The following MSRA variants were observed in gnomAD, a reference collection of about 807,000 sequenced individuals.
MSRA encodes mitochondrial peptide methionine sulfoxide reductase.
Under a neutral mutation model 31.3 loss-of-function variants are expected in MSRA, and 54 were observed. The observed-to-expected ratio is 1.73, with a 90% CI of 1.39 to 2.17. MSRA has a LOEUF of 2.17. MSRA is among the 30% of genes most tolerant of loss of function. The probability of loss-of-function intolerance (pLI) is 0.00; values close to 1 mark genes in which losing one functional copy is unlikely to be tolerated. For synonymous variants in MSRA, 169 were observed against 116.5 expected (o/e 1.45, Z -2.90); for missense variants, 507 against 300.9 (o/e 1.69, Z -5.07).
At chr8:10,390,902 G>A in intron 5 of MSRA, among the ~76,000 whole-genome samples, 1 of 151,964 alleles carries the variant, frequency 6.6e-6, no homozygotes, top group East Asian at 1.9e-4. Flanking sequence ...CGTGAACCCG[G>A]GAGGTGGAGT....
chr8:10,167,692 T>G (rs17151235), intron 1 of MSRA, among the ~76,000 whole-genome samples: 2 of 152,120 alleles, frequency 1.3e-5, no homozygotes, highest in Non-Finnish European at 2.9e-5. Flanking sequence ...TGCTGTGTCT[T>G]AGGTTCATCT....
intron 2 of MSRA, among the ~76,000 whole-genome samples, chr8:10,229,566 C>A (rs773840619): frequency 6.7e-6 from 1 of 149,054 alleles, no homozygotes; most frequent in Non-Finnish European, 1.5e-5. Flanking sequence ...GGTGTGCCTG[C>A]GCATGTGGGG....
intron 5 of MSRA, among the ~76,000 whole-genome samples, chr8:10,361,829 T>C (rs190516565): frequency 6.6e-6 from 1 of 152,354 alleles, no homozygotes; most frequent in Non-Finnish European, 1.5e-5. Flanking sequence ...CTTATTTGTT[T>C]TAAAATTTCA....
intron 5 of MSRA, among the ~76,000 whole-genome samples, chr8:10,324,010 G>A (rs1802215803): frequency 6.6e-6 from 1 of 152,184 alleles, no homozygotes; most frequent in Admixed American, 6.5e-5. Flanking sequence ...TGGGAGATGA[G>A]TTGAAAGTTC....
chr8:10,387,642 A>G (rs1806475935), intron 5 of MSRA, among the ~76,000 whole-genome samples: 1 of 152,150 alleles, frequency 6.6e-6, no homozygotes, highest in Non-Finnish European at 1.5e-5. Context: ...GCAGACAAAG[A>G]TTGTCTCATC....
intron 3 of MSRA, among the ~76,000 whole-genome samples, chr8:10,259,964 G>A (rs1055290076): frequency 6.6e-6 from 1 of 152,254 alleles, no homozygotes; most frequent in African/African-American, 2.4e-5. Flanking sequence ...CAGGCCCTCT[G>A]AGGACCTCAA....
chr8:10,178,084 C>T (rs1403233201), intron 1 of MSRA, among the ~76,000 whole-genome samples: 6 of 152,112 alleles, frequency 3.9e-5, no homozygotes, highest in Admixed American at 6.6e-5. Context: ...ACATCTATTC[C>T]TGAGAATGGC....
chr8:10,197,688 G>A (rs957679647), intron 1 of MSRA, among the ~76,000 whole-genome samples: 3 of 152,112 alleles, frequency 2.0e-5, no homozygotes, highest in Admixed American at 6.5e-5. Flanking sequence ...ACGTCCATCC[G>A]CCCTGCCTAC....
At chr8:10,071,738 T>A (rs1172820476) in intron 1 of MSRA, among the ~76,000 whole-genome samples, 1 of 152,204 alleles carries the variant, frequency 6.6e-6, no homozygotes, top group Non-Finnish European at 1.5e-5. Flanking sequence ...CAAACAGAAC[T>A]CTGTGTACTG....
At chr8:10,081,545 A>G (rs1798293227) in intron 1 of MSRA, among the ~76,000 whole-genome samples, 1 of 152,164 alleles carries the variant, frequency 6.6e-6, no homozygotes, top group African/African-American at 2.4e-5. Context: ...GCTGGAGTGC[A>G]GTGGCGTGAT....
chr8:10,200,097 G>A (rs1344535200), intron 1 of MSRA, among the ~76,000 whole-genome samples: 2 of 152,166 alleles, frequency 1.3e-5, no homozygotes, highest in Non-Finnish European at 1.5e-5. Flanking sequence ...GCCTGGGGAG[G>A]TATGGGGGTT....
intron 2 of MSRA, among the ~76,000 whole-genome samples, chr8:10,229,649 A>T (rs1422150215): frequency 2.6e-5 from 4 of 152,122 alleles, no homozygotes; most frequent in African/African-American, 7.2e-5. Context: ...TACCTCATAG[A>T]TGAAATCCCC....
chr8:10,189,700 T>A (rs958063867), intron 1 of MSRA, among the ~76,000 whole-genome samples: 3 of 152,180 alleles, frequency 2.0e-5, no homozygotes, highest in Non-Finnish European at 4.4e-5. Context: ...CACTTGGCCA[T>A]GATTGTTATA....
intron 5 of MSRA, among the ~76,000 whole-genome samples, chr8:10,368,256 A>G (rs1367320675): frequency 6.6e-6 from 1 of 152,254 alleles, no homozygotes; most frequent in Non-Finnish European, 1.5e-5. Context: ...ACGCATTTTT[A>G]CAGAGTGAGT....
intron 1 of MSRA, among the ~76,000 whole-genome samples, chr8:10,104,669 G>A (rs1799763397): frequency 6.6e-6 from 1 of 152,182 alleles, no homozygotes; most frequent in African/African-American, 2.4e-5. Context: ...GATTGTAAAT[G>A]TTTCTTATCA....
At chr8:10,140,615 A>G (rs1234900393) in intron 1 of MSRA, among the ~76,000 whole-genome samples, 1 of 152,172 alleles carries the variant, frequency 6.6e-6, no homozygotes, top group African/African-American at 2.4e-5. Context: ...AATATGCATA[A>G]TTTCTCGGTT....
At chr8:10,282,550 G>C (rs1799676934) in intron 3 of MSRA, among the ~76,000 whole-genome samples, 1 of 152,142 alleles carries the variant, frequency 6.6e-6, no homozygotes, top group South Asian at 2.1e-4. Context: ...TATTATCTCT[G>C]TAGCCTCCGG....
At chr8:10,423,052 T>G (rs1193635141) in intron 5 of MSRA, among the ~76,000 whole-genome samples, 3 of 152,122 alleles carry the variant, frequency 2.0e-5, no homozygotes, top group Non-Finnish European at 2.9e-5. Context: ...GCCTCCTTAT[T>G]GGAAGGCGCC....
intron 5 of MSRA, among the ~76,000 whole-genome samples, chr8:10,415,151 T>C (rs1274927166): frequency 2.0e-5 from 3 of 152,206 alleles, no homozygotes; most frequent in Admixed American, 2.0e-4. Context: ...CTGAGTTTCA[T>C]GCTCTGGCCC....
Sources: allele counts gnomAD v4.1 joint callset (sites outside exome capture counted in the v4.1 genomes callset), GRCh38; gene constraint gnomAD v4.1.1; transcripts MANE v1.5; gene names NCBI Gene and HGNC (gene_info 2026-07-23, HGNC 2026-07-21).